ITGBL1: variants seen among roughly 807,000 people sequenced by gnomAD.
ITGBL1 encodes the protein integrin beta-like protein 1.
Under a neutral mutation model 68.5 loss-of-function variants are expected in ITGBL1, and 51 were observed. That is an observed-to-expected ratio of 0.74 (90% CI 0.59 to 0.94). The LOEUF (loss-of-function observed/expected upper bound fraction) is 0.94, where lower values mean the gene tolerates loss of function less well. Ranked by LOEUF, ITGBL1 falls within the 40% of genes least tolerant of loss-of-function variation. The pLI is 0.00. For missense variants in ITGBL1, 649 were observed against 647.4 expected (o/e 1.00, Z -0.03); for synonymous variants, 209 against 227.3 (o/e 0.92, Z 0.72).
At chr13:101,659,268 T>A (rs188021487) in intron 7 of ITGBL1, among the ~76,000 whole-genome samples, 7 of 152,140 alleles carry the variant, frequency 4.6e-5, no homozygotes, top group African/African-American at 1.7e-4. Context: ...AATATTTCAA[T>A]TGATTTTCTT....
At chr13:101,675,296 T>C (rs1007613260) in intron 7 of ITGBL1, among the ~76,000 whole-genome samples, 1 of 152,206 alleles carries the variant, frequency 6.6e-6, no homozygotes, top group Admixed American at 6.5e-5. Context: ...TTATTCTCTT[T>C]ATGTTCCATG....
At chr13:101,481,072 A>G (rs1053569254) in intron 2 of ITGBL1, among the ~76,000 whole-genome samples, 6 of 36,558 alleles carry the variant, frequency 1.6e-4, no homozygotes, top group African/African-American at 7.1e-4. Flanking sequence ...ACACACATAC[A>G]TATATATACA....
rs113216855 is a variant in ITGBL1, at chr13:101,635,154, T to C, written c.1015+36855T>C. 2.0e-3 allele frequency among the ~76,000 whole-genome samples: 304 copies of C among 151,946 alleles called. 1 individual carries two copies. Among genetic ancestry groups the C allele is most frequent in the African/African-American group, 6.9e-3 (285 of 41,478 alleles). On this transcript the variant is annotated intron_variant, in intron 7 of 10. Transcript: ENST00000376180. ...GGTTTCGTATCATTCATACAGACTT[T>C]TAGAAAAAAAAATTGGTTCCCTAAA... is the stretch of plus-strand genomic sequence containing the variant.
chr13:101,649,581 A>AT lies in ITGBL1; in HGVS notation c.1016-42996dup, dbSNP rs574448313. Among the ~76,000 whole-genome samples, 177 of 152,062 alleles carry AT rather than the reference A, an allele frequency of 1.2e-3. 1 individual carries two copies. Among genetic ancestry groups the AT allele is most frequent in the Non-Finnish European group, 2.0e-3 (138 of 67,940 alleles). ...CATGGAAATCTATACTTGTTTAGAT[A>AT]TTTTTTTTCCAGTCCAATGAGGTAA... On this transcript the variant is annotated intron_variant, in intron 7 of 10. Transcript: ENST00000376180.
intron 8 of ITGBL1, among the ~76,000 whole-genome samples, chr13:101,700,812 G>A (rs2034119018): frequency 6.6e-6 from 1 of 152,086 alleles, no homozygotes. Flanking sequence ...TCTGTTCCTA[G>A]AACATTGGCT....
intron 2 of ITGBL1, among the ~76,000 whole-genome samples, chr13:101,467,561 A>G (rs2139635096): frequency 6.6e-6 from 1 of 152,240 alleles, no homozygotes; most frequent in East Asian, 1.9e-4. Flanking sequence ...CTGGCAAATA[A>G]GAAACTATAT....
intron 3 of ITGBL1, among the ~76,000 whole-genome samples, chr13:101,574,428 T>A (rs2050322704): frequency 6.6e-6 from 1 of 152,162 alleles, no homozygotes; most frequent in African/African-American, 2.4e-5. Flanking sequence ...CTGGTCTCAG[T>A]TAAATCCCCT....
At chr13:101,563,899 G>GAAT (rs1384767552) in intron 2 of ITGBL1, among the ~76,000 whole-genome samples, 3 of 151,552 alleles carry the variant, frequency 2.0e-5, no homozygotes, top group African/African-American at 7.3e-5. Context: ...ATCTTTAATA[G>GAAT]AATATTAGCA....
chr13:101,486,273 G>T (rs754904072), intron 2 of ITGBL1, among the ~76,000 whole-genome samples: 1 of 152,188 alleles, frequency 6.6e-6, no homozygotes, highest in African/African-American at 2.4e-5. Context: ...TCACTTATAA[G>T]TAGGAGCTAA....
chr13:101,485,757 AC>A (rs1566696634), intron 2 of ITGBL1, among the ~76,000 whole-genome samples: 1 of 152,096 alleles, frequency 6.6e-6, no homozygotes, highest in East Asian at 1.9e-4. Context: ...ACGCCACTGT[AC>A]TCCAGCCTGG....
chr13:101,509,225 A>T (rs1302420891), intron 2 of ITGBL1, among the ~76,000 whole-genome samples: 2 of 152,002 alleles, frequency 1.3e-5, no homozygotes, highest in Non-Finnish European at 1.5e-5. Flanking sequence ...CCATTTTTTA[A>T]ACCATCAGAT....
intron 2 of ITGBL1, among the ~76,000 whole-genome samples, chr13:101,464,342 T>C (rs1228215710): frequency 3.3e-5 from 5 of 152,178 alleles, no homozygotes; most frequent in African/African-American, 1.2e-4. Context: ...AGTTATTATT[T>C]CTGTCATCTC....
In ITGBL1 at chr13:101,588,163, G is replaced by A. The variant is rs1363077695; in HGVS notation, c.868+4807G>A. ...TGGCCTGAGAACCTTAATAATTCCT[G>A]CCTTCCCAGCATGGCCTTTGGACCA... On this transcript the variant is annotated intron_variant, in intron 6 of 10. Transcript: ENST00000376180. Among the ~76,000 whole-genome samples the A allele has an allele frequency of 2.0e-5, 3 of 152,112 alleles. No homozygotes were observed. The South Asian group carries it at 6.2e-4, about 32-fold the overall frequency.
At chr13:101,570,807 T>G (rs1385637232) in intron 3 of ITGBL1, among the ~76,000 whole-genome samples, 1 of 152,226 alleles carries the variant, frequency 6.6e-6, no homozygotes, top group Admixed American at 6.6e-5. Flanking sequence ...ACTTAAGTTC[T>G]GTTCTTCTTT....
chr13:101,523,581 T>G (rs1471535769), intron 2 of ITGBL1, among the ~76,000 whole-genome samples: 4 of 152,184 alleles, frequency 2.6e-5, no homozygotes, highest in African/African-American at 4.8e-5. Flanking sequence ...ACCCATAAAC[T>G]TGTTATTAGA....
At chr13:101,717,511 C>T (rs550300886), downstream of ITGBL1, 4 of 152,204 alleles carry the variant, frequency 2.6e-5, no homozygotes, top group African/African-American at 9.6e-5. Context: ...ATTTTGATGA[C>T]GTATTCGCTG....
At chr13:101,525,067 T>A (rs1409736590) in intron 2 of ITGBL1, among the ~76,000 whole-genome samples, 1 of 152,292 alleles carries the variant, frequency 6.6e-6, no homozygotes, top group East Asian at 1.9e-4. Flanking sequence ...TGAGCACCTC[T>A]AGCTATAGAG....
At chr13:101,679,834 C>T (rs762274416) in intron 7 of ITGBL1, among the ~76,000 whole-genome samples, 25 of 152,086 alleles carry the variant, frequency 1.6e-4, no homozygotes, top group African/African-American at 3.9e-4. Context: ...TGTGGCCTGG[C>T]GCTTCTCTTC....
chr13:101,711,119 C>G (rs898550163), intron 9 of ITGBL1: 2 of 152,176 alleles, frequency 1.3e-5, no homozygotes, highest in African/African-American at 4.8e-5. Context: ...GCTTAGCTAC[C>G]TTTGCAAAGT....
Sources: allele counts gnomAD v4.1 joint callset (sites outside exome capture counted in the v4.1 genomes callset), GRCh38; gene constraint gnomAD v4.1.1; transcripts MANE v1.5; gene names NCBI Gene and HGNC (gene_info 2026-07-23, HGNC 2026-07-21).